Variants in GRID1 observed in about 807,000 individuals in gnomAD.
GRID1 encodes the protein glutamate receptor ionotropic, delta-1.
Under a neutral mutation model 98.0 loss-of-function variants are expected in GRID1, and 28 were observed. The ratio of observed to expected loss-of-function variants is 0.29; its 90% confidence interval spans 0.21 to 0.39. The LOEUF is 0.39. Ranked by LOEUF, GRID1 falls within the 10% of genes least tolerant of loss-of-function variation. The pLI is 1.00. For synonymous variants in GRID1, 553 were observed against 538.5 expected, an observed-to-expected ratio of 1.03 and a Z score of -0.37; for missense variants, 1,111 against 1,340.5, an observed-to-expected ratio of 0.83 and a Z score of 2.67.
At chr10:86,228,993 T>C (rs1234657144) in intron 2 of GRID1, among the ~76,000 whole-genome samples, 1 of 152,130 alleles carries the variant, frequency 6.6e-6, no homozygotes, top group Non-Finnish European at 1.5e-5. Context: ...GGTGTGGGTG[T>C]GGAGGCAGTG....
intron 8 of GRID1, among the ~76,000 whole-genome samples, chr10:85,808,580 A>C (rs1357369918): frequency 6.6e-6 from 1 of 152,192 alleles, no homozygotes; most frequent in African/African-American, 2.4e-5. Context: ...CGATGAATAA[A>C]TGTCAATGAC....
chr10:85,737,762 AT>A (rs1422249677), intron 8 of GRID1, among the ~76,000 whole-genome samples: 1 of 148,228 alleles, frequency 6.7e-6, no homozygotes, highest in Non-Finnish European at 1.5e-5. Flanking sequence ...ACAACCATAT[AT>A]ATATGTATAA....
At chr10:85,792,364 C>G (rs1842488408) in intron 8 of GRID1, among the ~76,000 whole-genome samples, 1 of 152,182 alleles carries the variant, frequency 6.6e-6, no homozygotes, top group Non-Finnish European at 1.5e-5. Flanking sequence ...CAAATAAATC[C>G]TGTATTCATA....
At chr10:86,248,253 C>T (rs950484458) in intron 2 of GRID1, among the ~76,000 whole-genome samples, 7 of 152,170 alleles carry the variant, frequency 4.6e-5, no homozygotes, top group African/African-American at 7.2e-5. Context: ...CCTTCACCCC[C>T]GCAGCAGGCT....
intron 4 of GRID1, among the ~76,000 whole-genome samples, chr10:85,949,905 GGGATGGAT>G (rs35077466): frequency 2.2e-4 from 33 of 149,862 alleles, no homozygotes; most frequent in Admixed American, 4.0e-4. Flanking sequence ...GAGAACTATA[GGGATGGAT>G]GGATGGATGG....
chr10:86,325,936 A>G (rs984072612), intron 2 of GRID1, among the ~76,000 whole-genome samples: 4 of 152,272 alleles, frequency 2.6e-5, no homozygotes. Context: ...AAAAGGACAG[A>G]CAAAATTGAC....
At chr10:85,887,699 TA>T (rs1841137024) in intron 5 of GRID1, among the ~76,000 whole-genome samples, 1 of 152,218 alleles carries the variant, frequency 6.6e-6, no homozygotes, top group Admixed American at 6.5e-5. Flanking sequence ...CCTGATGGTG[TA>T]ACTTGGACAA....
intron 8 of GRID1, among the ~76,000 whole-genome samples, chr10:85,839,414 A>G (rs1842942547): frequency 6.6e-6 from 1 of 152,238 alleles, no homozygotes; most frequent in Non-Finnish European, 1.5e-5. Context: ...AGCCAATGCA[A>G]AAGAACCAAA....
chr10:85,690,578 A>T (rs1841320884), intron 12 of GRID1, among the ~76,000 whole-genome samples: 1 of 152,202 alleles, frequency 6.6e-6, no homozygotes, highest in Non-Finnish European at 1.5e-5. Context: ...TTGCCAGTCT[A>T]AAAAGTCTAT....
chr10:85,843,314 T>C (rs1371072248), intron 8 of GRID1, among the ~76,000 whole-genome samples: 1 of 151,956 alleles, frequency 6.6e-6, no homozygotes, highest in Non-Finnish European at 1.5e-5. Flanking sequence ...TAGACTTAAA[T>C]ATAAAATATG....
intron 4 of GRID1, among the ~76,000 whole-genome samples, chr10:85,970,696 T>C (rs1842396336): frequency 6.6e-6 from 1 of 152,060 alleles, no homozygotes; most frequent in African/African-American, 2.4e-5. Flanking sequence ...ATAAAGGACA[T>C]CTATGAAACA....
intron 3 of GRID1, among the ~76,000 whole-genome samples, chr10:86,142,483 C>T (rs1845024335): frequency 6.6e-6 from 1 of 152,270 alleles, no homozygotes. Context: ...TTCTGCAGCC[C>T]TGCCTCTTCC....
chr10:86,099,998 G>C (rs1419269596), intron 4 of GRID1, among the ~76,000 whole-genome samples: 1 of 152,190 alleles, frequency 6.6e-6, no homozygotes, highest in Non-Finnish European at 1.5e-5. Flanking sequence ...GTGCAGGGAA[G>C]GAGGCCAGAG....
In GRID1 at chr10:85,602,283, G is replaced by T; in HGVS notation, c.3020C>A (p.Thr1007Asn). Residue 1007 changes from threonine (T) to asparagine (N), a missense_variant, in exon 16 of 16, where the codon ACC becomes AAC. By Grantham distance (65) the Thr-to-Asn change is moderately conservative. Transcript: ENST00000327946. ...LPEALDTSHGTSI is the reference protein window; with the variant it reads ...LPEALDTSHGNSI ...GGGCAGGCGGCGCAGTCAGATGGAGGTCCCGTGGGAGGTGTCCAGAGCCTC... is the reference window on the plus strand; with the variant it reads ...GGGCAGGCGGCGCAGTCAGATGGAGTTCCCGTGGGAGGTGTCCAGAGCCTC... 6.6e-7 allele frequency: 1 copy of T among 1,512,594 alleles called. No homozygotes were observed. The highest frequency in any genetic ancestry group is 1.4e-5 in the African/African-American group (1 of 71,820). The allele number at this position is 1,512,594 out of a possible 1,614,324, so 93.7% of individuals were successfully genotyped here. A position where few individuals can be genotyped will look rare whatever the true frequency, so the allele number is the denominator to read the frequency against.
intron 4 of GRID1, among the ~76,000 whole-genome samples, chr10:86,035,984 G>T (rs1461426469): frequency 6.6e-6 from 1 of 152,148 alleles, no homozygotes; most frequent in Non-Finnish European, 1.5e-5. Context: ...AGTGGACCTG[G>T]GCGTGTCTTC....
At chr10:85,711,734 A>G (rs1288404093) in intron 12 of GRID1, among the ~76,000 whole-genome samples, 1 of 151,874 alleles carries the variant, frequency 6.6e-6, no homozygotes, top group Non-Finnish European at 1.5e-5. Context: ...TTTATTCAAC[A>G]AGTAAAAAAA....
rs74892311 is a variant in GRID1, at chr10:86,135,842, C to T, written c.726+2977G>A. ...TTTTGCAAAATGTAAAAGATTCAAG[C>T]AGCTCCGTCTTCCTCACTCACTCCC... On this transcript the variant is annotated intron_variant, in intron 4 of 15. Coordinates refer to ENST00000327946, the MANE Select transcript of GRID1 (RefSeq NM_017551.3). Among the ~76,000 whole-genome samples, 1,191 of 152,360 alleles carry T rather than the reference C, an allele frequency of 7.8e-3. 26 individuals carry two copies. The highest frequency in any genetic ancestry group is 0.027 in the African/African-American group (1,132 of 41,582).
intron 2 of GRID1, among the ~76,000 whole-genome samples, chr10:86,255,788 C>T (rs1015353033): frequency 5.9e-5 from 9 of 152,124 alleles, no homozygotes; most frequent in African/African-American, 1.4e-4. Flanking sequence ...TGGGCTGAGT[C>T]GGCAGGTGGA....
chr10:85,783,336 G>A (rs569557100), intron 8 of GRID1, among the ~76,000 whole-genome samples: 1 of 152,182 alleles, frequency 6.6e-6, no homozygotes, highest in East Asian at 1.9e-4. Context: ...GAGAGGGCTG[G>A]GCATCTGAAG....
Sources: gnomAD v4.1 joint callset for allele counts (sites outside exome capture counted in the v4.1 genomes callset) on GRCh38, gnomAD v4.1.1 for gene constraint, MANE v1.5 for transcripts, NCBI Gene and HGNC (gene_info 2026-07-23, HGNC 2026-07-21) for gene names.